CPNE7: variants seen among roughly 807,000 people sequenced by gnomAD.
CPNE7 encodes the protein copine-7.
In CPNE7, 78 loss-of-function variants were observed where a neutral mutation model predicts 66.5. The observed-to-expected ratio is 1.17, with a 90% CI of 0.98 to 1.42. The LOEUF (loss-of-function observed/expected upper bound fraction) is 1.42, where lower values mean the gene tolerates loss of function less well. CPNE7 is among the 40% of genes most tolerant of loss of function. CPNE7 has a pLI of 0.00. For missense variants in CPNE7, 1,012 were observed against 776.6 expected (o/e 1.30, Z -3.60); for synonymous variants, 468 against 336.7 (o/e 1.39, Z -4.27).
intron 2 of CPNE7, chr16:89,583,321 G>A (rs929358749): frequency 5.4e-5 from 49 of 914,386 alleles, no homozygotes; most frequent in Middle Eastern, 2.5e-4. Context: ...GGCCTGGAGA[G>A]GGTCAGGGCA....
At position 89,577,571 on chromosome 16, in the gene CPNE7, G is replaced by A; in HGVS notation, c.207G>A (p.Leu69=). ...VGRTEVVRSS[L]HPVFSKVFTV... The stretch of plus-strand genomic sequence containing the variant: ...GAACCGAGGTGGTCCGGAGCAGCCT[G>A]CATCCCGTGTTCTCCAAGGTCTTCA... Residue 69 remains leucine (L), a synonymous_variant, in exon 2 of 15, where the codon CTG becomes CTA. Transcript: ENST00000319518. 6.4e-7 allele frequency: 1 copy of A among 1,552,520 alleles called. No individual in the cohort carries two copies. Among genetic ancestry groups the A allele is most frequent in the Non-Finnish European group, 8.7e-7 (1 of 1,147,426 alleles).
chr16:89,588,494 G>A (rs898368995), intron 9 of CPNE7, among the ~76,000 whole-genome samples, 181 bp from the exon 10 acceptor site: 7 of 152,142 alleles, frequency 4.6e-5, no homozygotes, highest in Non-Finnish European at 1.0e-4. Context: ...AGGTTTTGAG[G>A]AGACCTCTCC....
chr16:89,583,515 C>A (rs202128349), intron 2 of CPNE7, 182 bp from the exon 3 acceptor site: 2 of 1,562,954 alleles, frequency 1.3e-6, no homozygotes, highest in East Asian at 2.4e-5. Flanking sequence ...GGTGGCCACA[C>A]GCAGGGATGG....
At chr16:89,591,639 C>T (rs540265013) in intron 13 of CPNE7, among the ~76,000 whole-genome samples, 114 of 152,322 alleles carry the variant, frequency 7.5e-4, no homozygotes, top group Non-Finnish European at 1.1e-3. Context: ...GGATTCTACT[C>T]TGCCACCGTG....
In CPNE7 at chr16:89,584,943, A is replaced by G; in HGVS notation, c.591+86A>G. 1.7e-6 allele frequency: 2 copies of G among 1,184,532 alleles called. No individual in the cohort carries two copies. The highest frequency in any genetic ancestry group is 2.5e-6 in the Non-Finnish European group (2 of 808,236). The allele number at this position is 1,184,532 out of a possible 1,614,324, so 73.4% of individuals were successfully genotyped here. A position where few individuals can be genotyped will look rare whatever the true frequency, so the allele number is the denominator to read the frequency against. On this transcript the variant is annotated intron_variant, in intron 5 of 14. Transcript: ENST00000319518. This position sits in a 1 kb window ranked among gnomAD's most constrained non-coding sequence, Gnocchi z 6.0. ...CTCTGGCCACATGGGAGGAGCTCCC[A>G]GCCTCCAACAGGGAGCTGTGGGCGC...
At chr16:89,578,858 C>A (rs1295799478) in intron 2 of CPNE7, 1 of 1,610,658 alleles carries the variant, frequency 6.2e-7, no homozygotes, top group Non-Finnish European at 8.5e-7. Context: ...CCTCCACAGC[C>A]AGCCCAAAAG....
chr16:89,575,950 C>CTATCA lies in CPNE7; in HGVS notation c.53_54insTATCA (p.Pro19IlefsTer110). 7.5e-7 allele frequency: 1 copy of CTATCA among 1,341,706 alleles called. No individual in the cohort carries two copies. The highest frequency in any genetic ancestry group is 9.6e-7 in the Non-Finnish European group (1 of 1,046,046). 83.1% of individuals were successfully genotyped at this position (1,341,706 alleles called of 1,614,324 possible). On this transcript the variant is annotated frameshift_variant, in exon 1 of 15. Transcript: ENST00000319518. LOFTEE classifies it high-confidence loss of function. ...GCGGCAACCCCCGGGGGTTTGCCCG[C>CTATCA]GCCCTGCGCCTCGAAGGTGGAGCTG... is the stretch of plus-strand genomic sequence containing the variant.
chr16:89,594,642 CTTTTTTTTTTTTTTTTTT>C (rs57032352), intron 13 of CPNE7, among the ~76,000 whole-genome samples: 1 of 86,894 alleles, frequency 1.2e-5, no homozygotes, highest in Non-Finnish European at 2.2e-5. Flanking sequence ...TCCATTCTGC[CTTTTTTTTTTTTTTTTTT>C]TTTTTTTTTT....
At position 89,577,609 on chromosome 16, in the gene CPNE7, A is replaced by C; in HGVS notation, c.245A>C (p.Tyr82Ser). ...TCCAAGGTCTTCACGGTGGACTACTACTTCGAGGAGGTGCAGAGGCTGCGC... is the reference window on the plus strand; with the variant it reads ...TCCAAGGTCTTCACGGTGGACTACTCCTTCGAGGAGGTGCAGAGGCTGCGC... ...VFSKVFTVDY[Y>S]FEEVQRLRFE... Residue 82 changes from tyrosine (Y) to serine (S), a missense_variant, in exon 2 of 15, where the codon TAC becomes TCC. Transcript: ENST00000319518. The C allele has an allele frequency of 1.3e-6, 2 of 1,562,252 alleles. No homozygotes were observed. The highest frequency in any genetic ancestry group is 1.7e-6 in the Non-Finnish European group (2 of 1,152,706).
intron 13 of CPNE7, 34 bp from the exon 14 acceptor site, chr16:89,595,333 T>C: frequency 1.3e-6 from 2 of 1,517,316 alleles, no homozygotes; most frequent in Non-Finnish European, 1.8e-6. Context: ...CCATGGCAGG[T>C]GTGGTGTTGC....
rs2058851341 is a variant in CPNE7, at chr16:89,575,797, C to T, written c.-101C>T. ...CCGGCAGGCGTTCAGGGAAGCGCGGCCACGCCTGGGCCGGCCACCATTTCC... is the reference window on the plus strand; with the variant it reads ...CCGGCAGGCGTTCAGGGAAGCGCGGTCACGCCTGGGCCGGCCACCATTTCC... On this transcript the variant is annotated 5_prime_UTR_variant, in exon 1 of 15. Transcript: ENST00000319518. 1 of 903,586 alleles carries T rather than the reference C, an allele frequency of 1.1e-6. No homozygotes were observed. Among genetic ancestry groups the T allele is most frequent in the Non-Finnish European group, 1.4e-6 (1 of 740,608 alleles). 56.0% of individuals were successfully genotyped at this position (903,586 alleles called of 1,614,324 possible). A position where few individuals can be genotyped will look rare whatever the true frequency, so the allele number is the denominator to read the frequency against.
At chr16:89,586,122 C>T (rs1007001613) in intron 7 of CPNE7, among the ~76,000 whole-genome samples, 1 of 151,906 alleles carries the variant, frequency 6.6e-6, no homozygotes, top group Non-Finnish European at 1.5e-5. Flanking sequence ...CCTGTGTTGG[C>T]CCTGCCACAG....
chr16:89,588,471 CCTAGGGG>C (rs1465358129), intron 9 of CPNE7, among the ~76,000 whole-genome samples, 197 bp from the exon 10 acceptor site: 7 of 152,094 alleles, frequency 4.6e-5, no homozygotes, highest in African/African-American at 1.7e-4. Context: ...ATCCAGGGAG[CCTAGGGG>C]CTGGCAGGTT....
chr16:89,589,824 T>A, intron 10 of CPNE7, 73 bp from the exon 11 acceptor site: 1 of 1,542,968 alleles, frequency 6.5e-7, no homozygotes, highest in South Asian at 1.1e-5. Flanking sequence ...GCCAGTCATG[T>A]CTCCCTAGAA....
At chr16:89,580,133 A>G (rs140812976) in intron 2 of CPNE7, among the ~76,000 whole-genome samples, 5,693 of 35,814 alleles carry the variant, frequency 0.16, 1,888 homozygotes, top group Admixed American at 0.31. Flanking sequence ...CCGCTGACAC[A>G]GAACATCTCA....
Position 89,595,866 on chromosome 16 carries a change from C to T in CPNE7, c.1539+263C>T, listed in dbSNP as rs560334488. On this transcript the variant is annotated intron_variant, in intron 14 of 14. Transcript: ENST00000319518. ...CACAAGGGGCTCCTGGGATCCACCA[C>T]GCGGCTTCCCCCGTTGCTGCCAACC... 5.1e-4 allele frequency: 321 copies of T among 625,368 alleles called. 2 individuals carry two copies. The highest frequency in any genetic ancestry group is 2.2e-3 in the South Asian group (147 of 66,070). The allele number at this position is 625,368 out of a possible 1,614,324, so 38.7% of individuals were successfully genotyped here. A position where few individuals can be genotyped will look rare whatever the true frequency, so the allele number is the denominator to read the frequency against.
Position 89,590,491 on chromosome 16 carries a change from G to C in CPNE7, c.1117-516G>C, listed in dbSNP as rs573904600. On this transcript the variant is annotated intron_variant, in intron 11 of 14. Coordinates refer to ENST00000319518, the MANE Select transcript of CPNE7 (RefSeq NM_153636.3). ...ACTGAGCTGAGATCGCACCACTGCA[G>C]TCCAGCCTGGCCTGTAGAGCAAGAC... Among the ~76,000 whole-genome samples the C allele has an allele frequency of 3.3e-5, 5 of 152,184 alleles. No individual in the cohort carries two copies. The East Asian group carries it at 9.7e-4, about 30-fold the overall frequency.
At chr16:89,577,849 C>T (rs2058885077) in intron 2 of CPNE7, 128 bp downstream of exon 2, 1 of 740,626 alleles carries the variant, frequency 1.4e-6, no homozygotes, top group Non-Finnish European at 2.2e-6. Flanking sequence ...CCCTCCTCAG[C>T]TCCTCCTGAA....
rs571563342 is a variant in CPNE7 at position 89,584,325 on chromosome 16, C to T, written c.507+223C>T. ...CAGCTGGGCTGGGGCTGGGGCAGCT[C>T]CCTCCTGTGGGGACCACTCATGACC... On this transcript the variant is annotated intron_variant, in intron 4 of 14. Transcript: ENST00000319518. This position sits in a 1 kb window ranked among gnomAD's most constrained non-coding sequence, Gnocchi z 6.0. 1.3e-5 allele frequency among the ~76,000 whole-genome samples: 2 copies of T among 152,344 alleles called. No homozygotes were observed. Among genetic ancestry groups the T allele is most frequent in the Admixed American group, 6.5e-5 (1 of 15,312 alleles).
Sources: gnomAD v4.1 joint callset for allele counts (sites outside exome capture counted in the v4.1 genomes callset) on GRCh38, gnomAD v4.1.1 for gene constraint, Gnocchi (gnomAD v3.1) non-coding constraint, MANE v1.5 for transcripts, NCBI Gene and HGNC (gene_info 2026-07-23, HGNC 2026-07-21) for gene names.